Variants in TGFB1 observed in about 807,000 individuals in gnomAD.
TGFB1 encodes the protein transforming growth factor beta 1.
A neutral mutation model predicts 43.8 loss-of-function variants in TGFB1; 19 were observed. The observed-to-expected ratio is 0.43, with a 90% CI of 0.30 to 0.64. The LOEUF (loss-of-function observed/expected upper bound fraction) is 0.64, where lower values mean the gene tolerates loss of function less well. Among genes scored for constraint, TGFB1 ranks in the 30% least tolerant of loss-of-function variants. The pLI, the probability that TGFB1 is intolerant of heterozygous loss-of-function variation, is 0.11. For synonymous variants in TGFB1, 221 were observed against 236.3 expected (o/e 0.94, Z 0.60); for missense variants, 445 against 529.8 (o/e 0.84, Z 1.57).
At position 41,336,523 on chromosome 19, in the gene TGFB1, C is replaced by G. The variant is rs561275106; in HGVS notation, c.861-4242G>C. Among the ~76,000 whole-genome samples the G allele has an allele frequency of 4.6e-5, 7 of 151,652 alleles. No individual in the cohort carries two copies. In the East Asian group the frequency reaches 1.4e-3, roughly 29 times the overall value. On this transcript the variant is annotated intron_variant, in intron 5 of 6. Transcript: ENST00000221930. ...ACCTCAGCCTCCTGAGTAGCTGGGA[C>G]AAAAGGTACACACCACCAGGCCCAG...
chr19:41,351,431 G>C (rs1005419180), intron 1 of TGFB1, among the ~76,000 whole-genome samples: 1 of 152,178 alleles, frequency 6.6e-6, no homozygotes, highest in Non-Finnish European at 1.5e-5. Context: ...GGCGGGAGGC[G>C]CCGCAGCCAG....
chr19:41,350,307 CTTTT>C (rs55873066), intron 1 of TGFB1, among the ~76,000 whole-genome samples: 2 of 119,724 alleles, frequency 1.7e-5, no homozygotes, highest in Non-Finnish European at 1.7e-5. Context: ...GTTTTCTTTT[CTTTT>C]TTTTTTTTTT....
chr19:41,343,240 T>C (rs886640250), intron 3 of TGFB1, among the ~76,000 whole-genome samples: 1 of 151,678 alleles, frequency 6.6e-6, no homozygotes, highest in African/African-American at 2.4e-5. Context: ...GTTCAAGCAA[T>C]TCTCCTGCCT....
chr19:41,339,355 G>A (rs1183862173), intron 5 of TGFB1, among the ~76,000 whole-genome samples: 1 of 151,998 alleles, frequency 6.6e-6, no homozygotes, highest in Non-Finnish European at 1.5e-5. Flanking sequence ...CTAAGCTCAA[G>A]CGATCTGCCT....
At chr19:41,336,440 A>G (rs2037989492) in intron 5 of TGFB1, among the ~76,000 whole-genome samples, 2 of 149,342 alleles carry the variant, frequency 1.3e-5, no homozygotes, top group Admixed American at 1.3e-4. Context: ...GCTGGAGTGC[A>G]GTGGTGCAAT....
At position 41,353,437 on chromosome 19, in the gene TGFB1, G is replaced by C. The variant is rs1371503230; in HGVS notation, c.-393C>G. The C allele has an allele frequency of 5.5e-6, 1 of 182,512 alleles. No homozygotes were observed. The highest frequency in any genetic ancestry group is 1.1e-5 in the Non-Finnish European group (1 of 88,134). 11.3% of individuals were successfully genotyped at this position (182,512 alleles called of 1,614,324 possible). A position where few individuals can be genotyped will look rare whatever the true frequency, so the allele number is the denominator to read the frequency against. ...GGGAAAAGTCTTTGCGGGAGGCCGG[G>C]TCGGCGACTCCCGAGGGCTGGTCCG... is the stretch of plus-strand genomic sequence containing the variant. On this transcript the variant is annotated 5_prime_UTR_variant, in exon 1 of 7. Transcript: ENST00000221930. The surrounding 1 kb of genome is among the most constrained non-coding windows in gnomAD (Gnocchi z 5.9).
At chr19:41,339,869 G>A (rs1216010348) in intron 5 of TGFB1, among the ~76,000 whole-genome samples, 2 of 152,094 alleles carry the variant, frequency 1.3e-5, no homozygotes, top group Non-Finnish European at 1.5e-5. Flanking sequence ...TGGGCTGATG[G>A]CGCTAAGATC....
At chr19:41,345,482 A>C (rs1339501963) in intron 2 of TGFB1, among the ~76,000 whole-genome samples, 3 of 152,046 alleles carry the variant, frequency 2.0e-5, no homozygotes, top group Non-Finnish European at 2.9e-5. Flanking sequence ...GGGCGACAGG[A>C]CGAGACTTCG....
At chr19:41,336,406 A>C in intron 5 of TGFB1, among the ~76,000 whole-genome samples, 1 of 136,984 alleles carries the variant, frequency 7.3e-6, no homozygotes, top group African/African-American at 2.8e-5. Flanking sequence ...TTTTTTTGAG[A>C]CAGGATCTCA....
At chr19:41,342,812 G>A (rs530553070) in intron 3 of TGFB1, among the ~76,000 whole-genome samples, 4 of 152,044 alleles carry the variant, frequency 2.6e-5, no homozygotes, top group African/African-American at 7.2e-5. Context: ...CACTGCATCC[G>A]GCCTACACGG....
At chr19:41,347,874 C>T (rs185082817) in intron 2 of TGFB1, among the ~76,000 whole-genome samples, 3,510 of 149,958 alleles carry the variant, frequency 0.023, 58 homozygotes, top group Non-Finnish European at 0.036. Flanking sequence ...TGGCTCACGC[C>T]TGTAATCTGA....
In TGFB1 at chr19:41,331,083, T is replaced by C. The variant is rs781566009; in HGVS notation, c.1142A>G (p.Asn381Ser). 6.3e-7 allele frequency: 1 copy of C among 1,584,410 alleles called. No individual in the cohort carries two copies. The highest frequency in any genetic ancestry group is 8.6e-7 in the Non-Finnish European group (1 of 1,167,296). Residue 381 changes from asparagine (N) to serine (S), a missense_variant, in exon 7 of 7, where the codon AAC becomes AGC. Asn to Ser is a conservative substitution (Grantham distance 46). Coordinates refer to ENST00000221930, the MANE Select transcript of TGFB1 (RefSeq NM_000660.7). The stretch of plus-strand genomic sequence containing the variant: ...GCACTTGCAGGAGCGCACGATCATG[T>C]TGGACAGCTGCTCCACCTTGGGCTT... Reference protein sequence around the residue: ...GRKPKVEQLSNMIVRSCKCS With the variant: ...GRKPKVEQLSSMIVRSCKCS
chr19:41,334,729 G>C (rs968906554), intron 5 of TGFB1, among the ~76,000 whole-genome samples: 2 of 151,826 alleles, frequency 1.3e-5, no homozygotes, highest in Non-Finnish European at 2.9e-5. Flanking sequence ...GGATAACCTA[G>C]AGGCAAGATA....
rs1318581022 is a variant in TGFB1, at chr19:41,348,573, CCTTTTATT to C, written c.356-126_356-119del. 1.6e-5 allele frequency: 8 copies of C among 488,194 alleles called. No homozygotes were observed. The African/African-American group carries it at 1.8e-4, about 11-fold the overall frequency. The allele number at this position is 488,194 out of a possible 1,614,324, so 30.2% of individuals were successfully genotyped here. A position where few individuals can be genotyped will look rare whatever the true frequency, so the allele number is the denominator to read the frequency against. ...TCTGGGGTGGAGTCAGTCTCTGATA[CCTTTTATT>C]TATTTATTTATTTATTTATTTATTT... On this transcript the variant is annotated intron_variant, in intron 1 of 6. Transcript: ENST00000221930.
intron 2 of TGFB1, among the ~76,000 whole-genome samples, chr19:41,346,714 T>C (rs2038120203): frequency 6.6e-6 from 1 of 152,074 alleles, no homozygotes; most frequent in African/African-American, 2.4e-5. Flanking sequence ...CCAGTGAGAA[T>C]GAGGATTTCT....
chr19:41,332,358 C>G (rs544266201), intron 5 of TGFB1, 77 bp from the exon 6 acceptor site: 1 of 1,534,502 alleles, frequency 6.5e-7, no homozygotes, highest in Admixed American at 1.9e-5. Context: ...TCCCCAGGTG[C>G]GTGTGTCACC....
chr19:41,341,977 G>C lies in TGFB1; in HGVS notation c.766C>G (p.Pro256Ala). The C allele has an allele frequency of 6.2e-7, 1 of 1,614,208 alleles. No individual in the cohort carries two copies. The highest frequency in any genetic ancestry group is 8.5e-7 in the Non-Finnish European group (1 of 1,180,038). Residue 256 changes from proline to alanine, a missense_variant, in exon 5 of 7, where the codon CCT becomes GCT. Transcript: ENST00000221930. Reference protein sequence around the residue: ...DLATIHGMNRPFLLLMATPLE... With the variant: ...DLATIHGMNRAFLLLMATPLE... ...GGGGTGGCCATGAGAAGCAGGAAAG[G>C]CCGGTTCATGCCATGAATGGTGGCC...
chr19:41,348,391 G>A lies in TGFB1; in HGVS notation c.420C>T (p.Leu140=), dbSNP rs772123190. The change falls in exon 2 of 7, where the codon CTC becomes CTT. Residue 140 remains leucine (L), a synonymous_variant. Coordinates refer to ENST00000221930, the MANE Select transcript of TGFB1 (RefSeq NM_000660.7). ...SIYMFFNTSE[L]REAVPEPVLL... ...ACACGGGTTCAGGTACCGCTTCTCG[G>A]AGCTCTGATGTGTTGAAGAACATAT... 6.2e-7 allele frequency: 1 copy of A among 1,613,490 alleles called. No homozygotes were observed. Among genetic ancestry groups the A allele is most frequent in the East Asian group, 2.2e-5 (1 of 44,828 alleles).
chr19:41,345,518 A>G (rs1205343345), intron 2 of TGFB1, among the ~76,000 whole-genome samples: 2 of 152,102 alleles, frequency 1.3e-5, no homozygotes, highest in Admixed American at 6.6e-5. Flanking sequence ...AATAAATAAA[A>G]TAAAATTCTG....
Sources: gnomAD v4.1 joint callset for allele counts (sites outside exome capture counted in the v4.1 genomes callset) on GRCh38, gnomAD v4.1.1 for gene constraint, Gnocchi (gnomAD v3.1) non-coding constraint, MANE v1.5 for transcripts, NCBI Gene and HGNC (gene_info 2026-07-23, HGNC 2026-07-21) for gene names.